Variants in EPHA8 observed in about 807,000 individuals in gnomAD.
EPHA8 encodes ephrin type-A receptor 8.
A neutral mutation model predicts 103.6 loss-of-function variants in EPHA8; 58 were observed. The observed-to-expected ratio is 0.56, with a 90% CI of 0.45 to 0.70. The LOEUF is 0.70. Ranked by LOEUF, EPHA8 falls within the 30% of genes least tolerant of loss-of-function variation. The pLI, the probability that EPHA8 is intolerant of heterozygous loss-of-function variation, is 0.00. For missense variants in EPHA8, 1,304 were observed against 1,395.2 expected (o/e 0.93, Z 1.04); for synonymous variants, 559 against 572.5 (o/e 0.98, Z 0.34).
intron 3 of EPHA8, among the ~76,000 whole-genome samples, chr1:22,585,040 T>C (rs879391521): frequency 1.6e-3 from 193 of 120,100 alleles, no homozygotes; most frequent in Middle Eastern, 3.6e-3. Flanking sequence ...TGTGTGTGTG[T>C]GTGTGTGTGT....
At chr1:22,600,386 G>GA (rs1641689956) in intron 13 of EPHA8, among the ~76,000 whole-genome samples, 1 of 149,674 alleles carries the variant, frequency 6.7e-6, no homozygotes, top group Admixed American at 6.6e-5. Flanking sequence ...GGAAGAGTTA[G>GA]AAAACGACTA....
intron 2 of EPHA8, among the ~76,000 whole-genome samples, chr1:22,570,223 C>T (rs1425542485): frequency 6.6e-6 from 1 of 152,236 alleles, no homozygotes; most frequent in Non-Finnish European, 1.5e-5. Flanking sequence ...CTTCCTCTCA[C>T]CAGCGTGCTC....
rs532864897 is a variant in EPHA8, at chr1:22,595,406, G to A, written c.1697+83G>A. 2.3e-5 allele frequency: 27 copies of A among 1,185,826 alleles called. 2 individuals carry two copies. In the South Asian group the frequency reaches 3.1e-4, roughly 14 times the overall value. 73.5% of individuals were successfully genotyped at this position (1,185,826 alleles called of 1,614,324 possible). ...CTGCCCCCAGCCCCACCGAGCCGGT[G>A]GTCCCCGTGTGCCTGGGGCTGGCTC... On this transcript the variant is annotated intron_variant, in intron 8 of 16. Coordinates refer to ENST00000166244, the MANE Select transcript of EPHA8 (RefSeq NM_020526.5).
chr1:22,585,052 C>CGCGTGCGCGCGT (rs147149954), intron 3 of EPHA8, among the ~76,000 whole-genome samples: 5 of 144,370 alleles, frequency 3.5e-5, no homozygotes, highest in African/African-American at 1.4e-4. Flanking sequence ...TGTGTGTGTG[C>CGCGTGCGCGCGT]GCACGCGTGT....
In EPHA8 at chr1:22,590,833, C is replaced by T. The variant is rs538868453; in HGVS notation, c.1315+1627C>T. Reference sequence around the variant, plus strand: ...CTAGGACCCAGCTGCCCACTCCTGTCTCCATTCGGTTATGTGAAAAACAAA... The same window carrying T: ...CTAGGACCCAGCTGCCCACTCCTGTTTCCATTCGGTTATGTGAAAAACAAA... On this transcript the variant is annotated intron_variant, in intron 5 of 16. Transcript: ENST00000166244. Among the ~76,000 whole-genome samples, 28 of 152,270 alleles carry T rather than the reference C, an allele frequency of 1.8e-4. No individual in the cohort carries two copies. The East Asian group carries it at 5.2e-3, about 28-fold the overall frequency.
rs1364280136 is a variant in EPHA8 at position 22,569,214 on chromosome 1, G to A, written c.95-75G>A. 5.4e-6 allele frequency: 8 copies of A among 1,472,868 alleles called. No homozygotes were observed. In the African/African-American group the frequency reaches 6.9e-5, roughly 13 times the overall value. 91.2% of individuals were successfully genotyped at this position (1,472,868 alleles called of 1,614,324 possible). On this transcript the variant is annotated intron_variant, in intron 1 of 16. Transcript: ENST00000166244. The surrounding 1 kb of genome is among the most constrained non-coding windows in gnomAD (Gnocchi z 4.5). The stretch of plus-strand genomic sequence containing the variant: ...TGGGGGCTGAGTGTGGACCAGTGTA[G>A]CTGGGTCAGGCTGCTCTTGAGGAGC...
At chr1:22,586,987 A>G (rs1446470449) in intron 4 of EPHA8, among the ~76,000 whole-genome samples, 2 of 152,208 alleles carry the variant, frequency 1.3e-5, no homozygotes, top group African/African-American at 2.4e-5. Context: ...CTGTGCGGAG[A>G]GGGTGAGGGT....
In EPHA8 at chr1:22,601,389, A is replaced by T; in HGVS notation, c.2819A>T (p.Asp940Val). 1.9e-6 allele frequency: 3 copies of T among 1,609,554 alleles called. No individual in the cohort carries two copies. Among genetic ancestry groups the T allele is most frequent in the Non-Finnish European group, 2.5e-6 (3 of 1,179,294 alleles). ...GGGLTVGDWL[D>V]SIRMGRYRDH... ...GGCCTCACCGTGGGGGACTGGCTGGACTCCATCCGCATGGGCCGGTACCGA... is the reference window on the plus strand; with the variant it reads ...GGCCTCACCGTGGGGGACTGGCTGGTCTCCATCCGCATGGGCCGGTACCGA... Residue 940 changes from aspartate (D) to valine (V), a missense_variant, in exon 16 of 17, where the codon GAC (aspartate) becomes GTC (valine). Transcript: ENST00000166244.
intron 13 of EPHA8, among the ~76,000 whole-genome samples, 173 bp downstream of exon 13, chr1:22,599,220 ATGGGAACAGCCT>A (rs1641610584): frequency 1.3e-5 from 2 of 152,332 alleles, no homozygotes; most frequent in East Asian, 3.9e-4. Context: ...CCTCTGGGAA[ATGGGAACAGCCT>A]TGCCTGCCTT....
Position 22,563,611 on chromosome 1 carries a change from C to A in EPHA8, c.-25C>A. The stretch of plus-strand genomic sequence containing the variant: ...GCCAAGCCCGAGGGTGCGTGGCGCC[C>A]CCGCCCGCCCGGCCCGGCCCGGCCA... On this transcript the variant is annotated 5_prime_UTR_variant, in exon 1 of 17. Coordinates refer to ENST00000166244, the MANE Select transcript of EPHA8 (RefSeq NM_020526.5). The surrounding 1 kb of genome is among the most constrained non-coding windows in gnomAD (Gnocchi z 4.4). 8.1e-6 allele frequency: 1 copy of A among 123,934 alleles called. No individual in the cohort carries two copies. The highest frequency in any genetic ancestry group is 2.1e-4 in the South Asian group (1 of 4,846). 7.7% of individuals were successfully genotyped at this position (123,934 alleles called of 1,614,324 possible). A position where few individuals can be genotyped will look rare whatever the true frequency, so the allele number is the denominator to read the frequency against.
chr1:22,600,288 AAAGG>A (rs935158799), intron 13 of EPHA8, among the ~76,000 whole-genome samples: 2 of 139,304 alleles, frequency 1.4e-5, no homozygotes, highest in Admixed American at 7.0e-5. Context: ...AGGGATGAGG[AAAGG>A]AAGGAAGGGA....
intron 3 of EPHA8, among the ~76,000 whole-genome samples, chr1:22,578,571 C>G (rs1006008036): frequency 3.2e-5 from 4 of 123,682 alleles, no homozygotes; most frequent in Admixed American, 8.5e-5. Flanking sequence ...TTGTTAGTGT[C>G]TGCATGTGTG....
intron 2 of EPHA8, among the ~76,000 whole-genome samples, chr1:22,575,005 C>T (rs1640644737): frequency 2.6e-5 from 4 of 152,116 alleles, no homozygotes; most frequent in Admixed American, 2.6e-4. Context: ...GGCTGGAGAA[C>T]AGTAGTGCGA....
intron 3 of EPHA8, among the ~76,000 whole-genome samples, chr1:22,586,161 G>T (rs1445387105): frequency 1.3e-5 from 2 of 152,196 alleles, no homozygotes; most frequent in Admixed American, 1.3e-4. Context: ...ACAGGGCCTG[G>T]GGGAGGGGTC....
intron 1 of EPHA8, among the ~76,000 whole-genome samples, chr1:22,564,460 A>G (rs958286814): frequency 6.7e-6 from 1 of 150,132 alleles, no homozygotes; most frequent in Non-Finnish European, 1.5e-5. Context: ...GGCCACAGAG[A>G]GATTGAGGCA....
intron 3 of EPHA8, among the ~76,000 whole-genome samples, chr1:22,578,252 CTG>C (rs1258041462): frequency 4.2e-5 from 4 of 95,894 alleles, no homozygotes; most frequent in South Asian, 3.6e-4. Flanking sequence ...ATGTGTGTGT[CTG>C]TATACCCGTG....
chr1:22,600,687 G>A lies in EPHA8; in HGVS notation c.2415G>A (p.Thr805=), dbSNP rs770559565. The A allele has an allele frequency of 9.3e-6, 15 of 1,613,374 alleles. No individual in the cohort carries two copies. The highest frequency in any genetic ancestry group is 4.5e-5 in the East Asian group (2 of 44,874). The part of the protein sequence containing the change: ...TTGGKIPIRW[T]APEAIAFRTF... ...GCGGGAAGATCCCCATCCGCTGGACGGCCCCAGAGGCCATCGCCTTCCGCA... is the reference window on the plus strand; with the variant it reads ...GCGGGAAGATCCCCATCCGCTGGACAGCCCCAGAGGCCATCGCCTTCCGCA... Residue 805 remains threonine (T), a synonymous_variant, in exon 14 of 17, where the codon ACG becomes ACA. Coordinates refer to ENST00000166244, the MANE Select transcript of EPHA8 (RefSeq NM_020526.5).
At chr1:22,578,462 A>G (rs1418451116) in intron 3 of EPHA8, among the ~76,000 whole-genome samples, 4 of 145,422 alleles carry the variant, frequency 2.8e-5, no homozygotes, top group African/African-American at 1.0e-4. Context: ...GAGTGTATGC[A>G]TGTGTGTGCA....
chr1:22,592,192 G>A (rs546557818), intron 5 of EPHA8, among the ~76,000 whole-genome samples: 6 of 152,160 alleles, frequency 3.9e-5, no homozygotes, highest in Non-Finnish European at 7.4e-5. Flanking sequence ...CCTCTCGGAC[G>A]CGAACCCCAT....
Sources: gnomAD v4.1 joint callset for allele counts (sites outside exome capture counted in the v4.1 genomes callset) on GRCh38, gnomAD v4.1.1 for gene constraint, Gnocchi (gnomAD v3.1) non-coding constraint, MANE v1.5 for transcripts, NCBI Gene and HGNC (gene_info 2026-07-23, HGNC 2026-07-21) for gene names.